Variants in SOX5 observed in about 807,000 individuals in gnomAD.
SOX5 encodes the protein SRY-box transcription factor 5, also known as transcription factor SOX-5.
Under a neutral mutation model 92.0 loss-of-function variants are expected in SOX5, and 9 were observed. That is an observed-to-expected ratio of 0.10 (90% CI 0.06 to 0.17). The LOEUF is 0.17. Ranked by LOEUF, SOX5 falls within the 10% of genes least tolerant of loss-of-function variation. The probability of loss-of-function intolerance (pLI) is 1.00; values close to 1 mark genes in which losing one functional copy is unlikely to be tolerated. For synonymous variants in SOX5, 344 were observed against 336.3 expected, an observed-to-expected ratio of 1.02 and a Z score of -0.25; for missense variants, 642 against 944.5, an observed-to-expected ratio of 0.68 and a Z score of 4.20.
chr12:23,550,577 C>T (rs1285584053), intron 11 of SOX5, among the ~76,000 whole-genome samples: 1 of 151,758 alleles, frequency 6.6e-6, no homozygotes, highest in African/African-American at 2.4e-5. Flanking sequence ...TTCTGTATAA[C>T]CAAATATGCA....
intron 6 of SOX5, among the ~76,000 whole-genome samples, chr12:23,726,651 G>A (rs1003205335): frequency 6.6e-6 from 1 of 152,122 alleles, no homozygotes; most frequent in African/African-American, 2.4e-5. Context: ...TTTGTTAAGA[G>A]GATATGGACT....
intron 6 of SOX5, among the ~76,000 whole-genome samples, chr12:23,730,988 C>T (rs768340207): frequency 2.0e-5 from 3 of 152,164 alleles, no homozygotes; most frequent in Non-Finnish European, 4.4e-5. Flanking sequence ...AGGTGGGGAA[C>T]ATTCACCCTC....
At chr12:24,281,604 G>A (rs189621033) in intron 2 of SOX5, among the ~76,000 whole-genome samples, 2 of 152,270 alleles carry the variant, frequency 1.3e-5, no homozygotes, top group African/African-American at 2.4e-5. Flanking sequence ...TGTGTACCTC[G>A]CAGGGCCTGG....
chr12:23,759,614 G>A (rs1345677292), intron 3 of SOX5, among the ~76,000 whole-genome samples: 2 of 152,054 alleles, frequency 1.3e-5, no homozygotes, highest in Non-Finnish European at 2.9e-5. Context: ...ATGTAGCAGT[G>A]ATTAAATTTC....
At chr12:24,110,396 C>A (rs193027750) in intron 4 of SOX5, among the ~76,000 whole-genome samples, 2 of 152,316 alleles carry the variant, frequency 1.3e-5, no homozygotes, top group African/African-American at 4.8e-5. Context: ...CAATTTTGTA[C>A]AGTCAACCTA....
At chr12:23,594,374 C>T (rs1263890702) in intron 9 of SOX5, among the ~76,000 whole-genome samples, 1 of 152,088 alleles carries the variant, frequency 6.6e-6, no homozygotes, top group Non-Finnish European at 1.5e-5. Flanking sequence ...GACCACTATC[C>T]TCAGGTCCTA....
intron 1 of SOX5, among the ~76,000 whole-genome samples, chr12:24,392,447 GCT>G (rs1226163274): frequency 1.3e-5 from 2 of 152,060 alleles, no homozygotes; most frequent in African/African-American, 2.4e-5. Context: ...AAGTTAAGAA[GCT>G]CAGTGTCTCT....
intron 1 of SOX5, among the ~76,000 whole-genome samples, chr12:24,542,981 T>C (rs568713464): frequency 6.6e-6 from 1 of 152,382 alleles, no homozygotes; most frequent in South Asian, 2.1e-4. Context: ...GTCTGAGTTC[T>C]ATACCAATTA....
chr12:23,690,449 T>G (rs776528265), intron 6 of SOX5, among the ~76,000 whole-genome samples: 1 of 152,184 alleles, frequency 6.6e-6, no homozygotes, highest in Non-Finnish European at 1.5e-5. Context: ...TACAAAGACA[T>G]GGTCTAATCA....
At chr12:23,973,874 A>T (rs1362334030) in intron 4 of SOX5, among the ~76,000 whole-genome samples, 1 of 152,202 alleles carries the variant, frequency 6.6e-6, no homozygotes, top group Admixed American at 6.5e-5. Context: ...TTGCGCGCTC[A>T]TATGAGAATC....
chr12:24,465,647 C>G (rs1378382462), intron 1 of SOX5, among the ~76,000 whole-genome samples: 1 of 152,196 alleles, frequency 6.6e-6, no homozygotes, highest in Non-Finnish European at 1.5e-5. Flanking sequence ...TTCATCACAT[C>G]TGTATGACAG....
At chr12:23,955,060 G>A (rs1404760933), upstream of SOX5, among the ~76,000 whole-genome samples, 4 of 152,002 alleles carry the variant, frequency 2.6e-5, no homozygotes, top group Non-Finnish European at 4.4e-5. Context: ...TTACGAATGA[G>A]GAAGTCCCAA....
chr12:24,003,659 A>G (rs1951847030), intron 4 of SOX5, among the ~76,000 whole-genome samples: 1 of 152,054 alleles, frequency 6.6e-6, no homozygotes, highest in Admixed American at 6.6e-5. Flanking sequence ...GAACCAAATA[A>G]AGGAAATGAT....
intron 1 of SOX5, among the ~76,000 whole-genome samples, chr12:23,928,019 G>A (rs1306240093): frequency 6.6e-6 from 1 of 152,052 alleles, no homozygotes; most frequent in Non-Finnish European, 1.5e-5. Context: ...CAACTGGAGA[G>A]GATGGAACCA....
At chr12:23,551,464 GTAAGT>G (rs1032517007) in intron 11 of SOX5, among the ~76,000 whole-genome samples, 3 of 151,772 alleles carry the variant, frequency 2.0e-5, no homozygotes, top group Non-Finnish European at 4.4e-5. Flanking sequence ...AGGGTTTCTT[GTAAGT>G]TATGTATAAA....
rs200408456 is a variant in SOX5 at position 24,431,198 on chromosome 12, GAA to G, written c.-250-62561_-250-62560del. Among the ~76,000 whole-genome samples, 1,037 of 152,250 alleles carry G rather than the reference GAA, an allele frequency of 6.8e-3. 10 individuals carry two copies. The highest frequency in any genetic ancestry group is 0.021 in the African/African-American group (890 of 41,546). On this transcript the variant is annotated intron_variant, in intron 1 of 4. Transcript: ENST00000446891. ...CGAGATTAAGGAATATACCCAAGAT[GAA>G]AGAGTGAGTAAGCGATAAAACTCAG... is the stretch of plus-strand genomic sequence containing the variant.
chr12:24,068,700 GTGTGTATATATA>G (rs1197501104), intron 4 of SOX5, among the ~76,000 whole-genome samples: 2 of 54,088 alleles, frequency 3.7e-5, no homozygotes, highest in African/African-American at 1.6e-4. Context: ...GTGTGTGTGT[GTGTGTATATATA>G]TATATATATA....
chr12:24,396,188 CG>C (rs1055133468), intron 1 of SOX5, among the ~76,000 whole-genome samples: 3 of 152,184 alleles, frequency 2.0e-5, no homozygotes, highest in Non-Finnish European at 4.4e-5. Context: ...CATTTTAAAA[CG>C]TATCAGGGAC....
At chr12:23,943,248 G>A (rs940020960) in intron 1 of SOX5, among the ~76,000 whole-genome samples, 1 of 151,242 alleles carries the variant, frequency 6.6e-6, no homozygotes, top group Non-Finnish European at 1.5e-5. Context: ...TTGTCCATGA[G>A]TAAGTGAAGA....
Sources: gnomAD v4.1 joint callset for allele counts (sites outside exome capture counted in the v4.1 genomes callset) on GRCh38, gnomAD v4.1.1 for gene constraint, MANE v1.5 for transcripts, NCBI Gene and HGNC (gene_info 2026-07-23, HGNC 2026-07-21) for gene names.